The following SMURF2 variants were observed in gnomAD, a reference collection of about 807,000 sequenced individuals.
The protein encoded by SMURF2 is SMAD specific E3 ubiquitin protein ligase 2.
SMURF2 carries 48 observed loss-of-function variants against 109.6 expected under a neutral mutation model. That is an observed-to-expected ratio of 0.44 (90% CI 0.35 to 0.56). The LOEUF is 0.56. Ranked by LOEUF, SMURF2 falls within the 20% of genes least tolerant of loss-of-function variation. The probability of loss-of-function intolerance (pLI) is 0.01; values close to 1 mark genes in which losing one functional copy is unlikely to be tolerated. For synonymous variants in SMURF2, 288 were observed against 317.1 expected (o/e 0.91, Z 0.97); for missense variants, 575 against 909.0 (o/e 0.63, Z 4.72).
At chr17:64,584,338 A>T (rs1464706924) in intron 6 of SMURF2, among the ~76,000 whole-genome samples, 3 of 146,226 alleles carry the variant, frequency 2.1e-5, no homozygotes, top group Non-Finnish European at 3.0e-5. Flanking sequence ...AAAAAAATCG[A>T]AACAGCTACT....
rs538090315 is a variant in SMURF2 at position 64,544,112 on chromosome 17, C to T, written c.*1736G>A. 1.3e-5 allele frequency: 2 copies of T among 152,236 alleles called. No homozygotes were observed. Among genetic ancestry groups the T allele is most frequent in the East Asian group, 3.9e-4 (2 of 5,184 alleles). 9.4% of individuals were successfully genotyped at this position (152,236 alleles called of 1,614,324 possible). A position where few individuals can be genotyped will look rare whatever the true frequency, so the allele number is the denominator to read the frequency against. ...AAAATCTCCACTTTTTTTATCCCAT[C>T]CATTCCTCCCCGCCCCACTGCACCC... On this transcript the variant is annotated 3_prime_UTR_variant, in exon 19 of 19. Coordinates refer to ENST00000262435, the MANE Select transcript of SMURF2 (RefSeq NM_022739.4).
chr17:64,642,278 C>A (rs1246662964), intron 1 of SMURF2, among the ~76,000 whole-genome samples: 6 of 152,190 alleles, frequency 3.9e-5, no homozygotes, highest in African/African-American at 1.4e-4. Flanking sequence ...ATTACTGTAA[C>A]TCACAGAAAG....
Position 64,547,729 on chromosome 17 carries a change from G to C in SMURF2, c.1942C>G (p.Pro648Ala), listed in dbSNP as rs1284690481. The change falls in exon 17 of 19, where the codon CCA becomes GCA. Residue 648 changes from proline to alanine, a missense_variant. Pro to Ala is a conservative substitution (Grantham distance 27). This residue lies in a region of SMURF2 where 361 missense variants were observed against 612.1 expected (regional missense o/e 0.59). Coordinates refer to ENST00000262435, the MANE Select transcript of SMURF2 (RefSeq NM_022739.4). This position sits in a 1 kb window ranked among gnomAD's most constrained non-coding sequence, Gnocchi z 4.2. ...AACCATTTGACAATGTTGCTGTCTGGTGTACAGTGTTTTAACCGGGTGTTT... is the reference window on the plus strand; with the variant it reads ...AACCATTTGACAATGTTGCTGTCTGCTGTACAGTGTTTTAACCGGGTGTTT... The part of the protein sequence containing the change: ...KVNTRLKHCT[P>A]DSNIVKWFWK... 6.2e-7 allele frequency: 1 copy of C among 1,614,072 alleles called. No individual in the cohort carries two copies. Among genetic ancestry groups the C allele is most frequent in the African/African-American group, 1.3e-5 (1 of 74,928 alleles).
intron 1 of SMURF2, among the ~76,000 whole-genome samples, chr17:64,651,604 A>G (rs1358386861): frequency 6.6e-6 from 1 of 151,816 alleles, no homozygotes; most frequent in Non-Finnish European, 1.5e-5. Flanking sequence ...AAAGAAAAGA[A>G]AAAATATACA....
chr17:64,569,857 T>G (rs1969374365), intron 10 of SMURF2, among the ~76,000 whole-genome samples: 1 of 152,222 alleles, frequency 6.6e-6, no homozygotes, highest in Admixed American at 6.5e-5. Context: ...AGAGCAGTGT[T>G]ACTCAAAGGG....
At chr17:64,647,154 C>T (rs1177627871) in intron 1 of SMURF2, among the ~76,000 whole-genome samples, 1 of 151,922 alleles carries the variant, frequency 6.6e-6, no homozygotes, top group Non-Finnish European at 1.5e-5. Flanking sequence ...TGTAAGACTC[C>T]CAGCAAATGT....
chr17:64,584,213 G>A (rs1156696967), intron 6 of SMURF2, among the ~76,000 whole-genome samples: 1 of 150,420 alleles, frequency 6.6e-6, no homozygotes, highest in African/African-American at 2.4e-5. Flanking sequence ...AGCTACTCGG[G>A]AGGTTGAGGC....
intron 5 of SMURF2, among the ~76,000 whole-genome samples, chr17:64,586,750 CAAAAAAAAAAAA>C (rs782490512): frequency 1.1e-4 from 3 of 27,468 alleles, no homozygotes; most frequent in Admixed American, 3.8e-4. Context: ...GACTCCGTCT[CAAAAAAAAAAAA>C]AAAAAAAAAA....
In SMURF2 at chr17:64,583,531, T is replaced by G; in HGVS notation, c.499A>C (p.Arg167=). ...NDLPDGWEER[R]TASGRIQYLN... ...TACTGGATTCTTCCAGAGGCGGTTC[T>G]CCTTTCTTCCCAGCTTAAATAAAAA... Residue 167 remains arginine (R), a synonymous_variant, in exon 7 of 19, where the codon AGA becomes CGA. Transcript: ENST00000262435. 1 of 1,613,802 alleles carries G rather than the reference T, an allele frequency of 6.2e-7. No homozygotes were observed. Among genetic ancestry groups the G allele is most frequent in the Non-Finnish European group, 8.5e-7 (1 of 1,179,704 alleles).
At chr17:64,561,472 T>C (rs1555684506) in intron 12 of SMURF2, 28 bp downstream of exon 12, 2 of 1,450,604 alleles carry the variant, frequency 1.4e-6, no homozygotes, top group African/African-American at 1.4e-5. Context: ...AAGATCCATA[T>C]GTCATAAGCT....
chr17:64,562,428 G>C (rs142838839), intron 11 of SMURF2, among the ~76,000 whole-genome samples: 1,864 of 145,990 alleles, frequency 0.013, 42 homozygotes, highest in African/African-American at 0.045. Context: ...TGCCCAGGCT[G>C]GAGTACAATG....
In SMURF2 at chr17:64,571,929, C is replaced by G. The variant is rs1969404528; in HGVS notation, c.885G>C (p.Glu295Asp). 6.2e-7 allele frequency: 1 copy of G among 1,613,140 alleles called. No individual in the cohort carries two copies. ...CCCATCCAGGAGGCAATGGACCAAG[C>G]TCTTCACAATTGATGTTGCTAAGAT... The part of the protein sequence containing the change: ...PRDLSNINCE[E>D]LGPLPPGWEI... The change falls in exon 10 of 19, where the codon GAG (glutamate) becomes GAC (aspartate). Residue 295 changes from glutamate (E) to aspartate (D), a missense_variant. This residue lies in a region of SMURF2 where 361 missense variants were observed against 612.1 expected (regional missense o/e 0.59). Coordinates refer to ENST00000262435, the MANE Select transcript of SMURF2 (RefSeq NM_022739.4).
At chr17:64,650,419 C>T (rs1196681670) in intron 1 of SMURF2, among the ~76,000 whole-genome samples, 2 of 151,844 alleles carry the variant, frequency 1.3e-5, no homozygotes. Context: ...ACTAAAGGCA[C>T]AAGCACAGAG....
chr17:64,586,026 C>A (rs1194412424), intron 6 of SMURF2, 60 bp downstream of exon 6: 8 of 1,099,430 alleles, frequency 7.3e-6, no homozygotes, highest in South Asian at 1.5e-5. Flanking sequence ...CCACTTATTT[C>A]TATTCTTTTA....
chr17:64,659,237 AGTT>A (rs1048542923), intron 1 of SMURF2, among the ~76,000 whole-genome samples: 8 of 152,030 alleles, frequency 5.3e-5, no homozygotes, highest in Non-Finnish European at 8.8e-5. Flanking sequence ...TCCACAATAA[AGTT>A]ATTATCAAGT....
intron 1 of SMURF2, among the ~76,000 whole-genome samples, chr17:64,619,158 A>C (rs1970164255): frequency 6.6e-6 from 1 of 152,150 alleles, no homozygotes; most frequent in Admixed American, 6.5e-5. Flanking sequence ...TTCTCATAAA[A>C]TTAACCTACG....
At position 64,599,013 on chromosome 17, in the gene SMURF2, C is replaced by T. The variant is rs116237063; in HGVS notation, c.92-523G>A. 4.7e-3 allele frequency among the ~76,000 whole-genome samples: 718 copies of T among 152,218 alleles called. 6 individuals are homozygous for T. The highest frequency in any genetic ancestry group is 0.017 in the African/African-American group (702 of 41,528). On this transcript the variant is annotated intron_variant, in intron 2 of 18. Coordinates refer to ENST00000262435, the MANE Select transcript of SMURF2 (RefSeq NM_022739.4). ...TAACACTCTGCCTTAAAAGAGCTTA[C>T]TATCTAATTGGAAAAATAAAAATAC...
chr17:64,653,108 G>T (rs1555693659), intron 1 of SMURF2, among the ~76,000 whole-genome samples: 1 of 151,976 alleles, frequency 6.6e-6, no homozygotes, highest in Non-Finnish European at 1.5e-5. Flanking sequence ...TCTTTTGGGG[G>T]GCGGTGGGGG....
At chr17:64,615,882 T>C (rs1247568149) in intron 1 of SMURF2, among the ~76,000 whole-genome samples, 1 of 151,972 alleles carries the variant, frequency 6.6e-6, no homozygotes, top group East Asian at 1.9e-4. Flanking sequence ...CAGGCTGGAG[T>C]GCAATGGCGC....
Sources: gnomAD v4.1 joint callset for allele counts (sites outside exome capture counted in the v4.1 genomes callset) on GRCh38, gnomAD v4.1.1 for gene constraint, gnomAD v4.1.1 regional missense constraint, Gnocchi (gnomAD v3.1) non-coding constraint, MANE v1.5 for transcripts, NCBI Gene and HGNC (gene_info 2026-07-23, HGNC 2026-07-21) for gene names.